NIPAL2: variants seen among roughly 807,000 people sequenced by gnomAD.
NIPAL2 encodes NIPA like domain containing 2, also known as NIPA-like protein 2.
NIPAL2 carries 43 observed loss-of-function variants against 48.9 expected under a neutral mutation model. That is an observed-to-expected ratio of 0.88 (90% confidence interval 0.69 to 1.13). NIPAL2 has a LOEUF of 1.13. Ranked by LOEUF, NIPAL2 falls within the 50% of genes most tolerant of loss-of-function variation. The pLI, the probability that NIPAL2 is intolerant of heterozygous loss-of-function variation, is 0.00. For synonymous variants in NIPAL2, 167 were observed against 174.6 expected (o/e 0.96, Z 0.34); for missense variants, 446 against 461.4 (o/e 0.97, Z 0.31).
intron 1 of NIPAL2, among the ~76,000 whole-genome samples, chr8:98,281,865 T>C (rs553387342): frequency 6.6e-6 from 1 of 152,362 alleles, no homozygotes; most frequent in African/African-American, 2.4e-5. Context: ...CAATTTATTC[T>C]CTCACAGTTC....
chr8:98,206,583 G>A (rs1811050855), intron 6 of NIPAL2, among the ~76,000 whole-genome samples: 1 of 151,838 alleles, frequency 6.6e-6, no homozygotes, highest in Non-Finnish European at 1.5e-5. Flanking sequence ...TCAGGAGATC[G>A]AGACCATCCC....
intron 1 of NIPAL2, among the ~76,000 whole-genome samples, chr8:98,264,495 C>G (rs1814578856): frequency 6.6e-6 from 1 of 150,634 alleles, no homozygotes; most frequent in Non-Finnish European, 1.5e-5. Flanking sequence ...AATAGACAAA[C>G]AGAGAGCCAA....
intron 6 of NIPAL2, among the ~76,000 whole-genome samples, chr8:98,207,432 A>T (rs1349730951): frequency 1.3e-5 from 2 of 152,170 alleles, no homozygotes; most frequent in African/African-American, 4.8e-5. Context: ...GTTGATGAGG[A>T]TAGGTGGAAA....
intron 3 of NIPAL2, among the ~76,000 whole-genome samples, chr8:98,247,575 C>T (rs1293710171): frequency 1.3e-5 from 2 of 152,318 alleles, no homozygotes; most frequent in East Asian, 3.9e-4. Flanking sequence ...AATTCTCTGA[C>T]AGATGGTCCC....
chr8:98,284,022 T>C (rs1189336683), intron 1 of NIPAL2, among the ~76,000 whole-genome samples: 1 of 152,070 alleles, frequency 6.6e-6, no homozygotes, highest in Non-Finnish European at 1.5e-5. Context: ...CTTCACAACC[T>C]CTAAAGGGCC....
chr8:98,246,603 A>G (rs1813319538), intron 3 of NIPAL2, among the ~76,000 whole-genome samples: 1 of 152,166 alleles, frequency 6.6e-6, no homozygotes, highest in African/African-American at 2.4e-5. Flanking sequence ...TGATTGAGGT[A>G]ATGAGTTTAT....
At chr8:98,248,415 T>C (rs1813409590) in intron 3 of NIPAL2, among the ~76,000 whole-genome samples, 1 of 152,262 alleles carries the variant, frequency 6.6e-6, no homozygotes, top group Non-Finnish European at 1.5e-5. Context: ...TGTCATTATG[T>C]CAAATACTAT....
intron 1 of NIPAL2, among the ~76,000 whole-genome samples, chr8:98,262,092 AC>A (rs1171119994): frequency 4.9e-5 from 7 of 141,894 alleles, no homozygotes; most frequent in Non-Finnish European, 1.1e-4. Flanking sequence ...AGATTTTGTC[AC>A]CACCAGGCCT....
chr8:98,257,886 G>A (rs374331469), intron 1 of NIPAL2, among the ~76,000 whole-genome samples: 5 of 150,432 alleles, frequency 3.3e-5, no homozygotes, highest in Admixed American at 6.6e-5. Context: ...CAGTTGTTCC[G>A]CCTTTCTAGA....
chr8:98,270,473 G>T (rs1025708437), intron 1 of NIPAL2, among the ~76,000 whole-genome samples: 27 of 152,118 alleles, frequency 1.8e-4, no homozygotes, highest in African/African-American at 6.3e-4. Context: ...TTAGCCACTT[G>T]AATGTCTTTT....
intron 1 of NIPAL2, among the ~76,000 whole-genome samples, chr8:98,254,455 A>C (rs915541936): frequency 1.3e-5 from 2 of 152,202 alleles, no homozygotes; most frequent in African/African-American, 4.8e-5. Context: ...TATGAAAGAA[A>C]GATCATCGGA....
At chr8:98,249,514 T>C (rs1813467820) in intron 3 of NIPAL2, among the ~76,000 whole-genome samples, 2 of 151,132 alleles carry the variant, frequency 1.3e-5, no homozygotes, top group African/African-American at 2.4e-5. Context: ...ATATATGTCA[T>C]ACGTATATAC....
intron 4 of NIPAL2, among the ~76,000 whole-genome samples, chr8:98,225,857 CT>C (rs1289845805): frequency 2.6e-5 from 4 of 152,028 alleles, no homozygotes; most frequent in Non-Finnish European, 5.9e-5. Context: ...TAGATTTGTT[CT>C]TTTGAGGCTA....
chr8:98,273,573 T>C (rs533094753), intron 1 of NIPAL2, among the ~76,000 whole-genome samples: 19 of 152,244 alleles, frequency 1.2e-4, no homozygotes, highest in African/African-American at 4.6e-4. Context: ...AAAAACACTA[T>C]AGGTAGATAG....
chr8:98,221,657 C>T (rs758842229), intron 5 of NIPAL2, among the ~76,000 whole-genome samples: 5 of 152,070 alleles, frequency 3.3e-5, no homozygotes, highest in Non-Finnish European at 7.4e-5. Context: ...CAACCTGTCA[C>T]CTACATTAGG....
At chr8:98,258,943 T>TA (rs569867285) in intron 1 of NIPAL2, among the ~76,000 whole-genome samples, 417 of 151,378 alleles carry the variant, frequency 2.8e-3, no homozygotes, top group African/African-American at 9.5e-3. Flanking sequence ...GTCTGCGTAT[T>TA]AAAAAAAATG....
intron 1 of NIPAL2, among the ~76,000 whole-genome samples, chr8:98,260,384 G>C (rs1037153127): frequency 2.0e-5 from 3 of 152,228 alleles, no homozygotes; most frequent in Admixed American, 6.5e-5. Flanking sequence ...ATCTCACTAG[G>C]GAGTGCCAGA....
chr8:98,235,073 A>G (rs1812638791), intron 4 of NIPAL2, among the ~76,000 whole-genome samples: 1 of 152,252 alleles, frequency 6.6e-6, no homozygotes, highest in Non-Finnish European at 1.5e-5. Context: ...AACATTTTCA[A>G]GACATTACGC....
chr8:98,197,359 T>C (rs1378430007), intron 8 of NIPAL2, among the ~76,000 whole-genome samples: 2 of 152,250 alleles, frequency 1.3e-5, no homozygotes, highest in Non-Finnish European at 2.9e-5. Context: ...TCATCTGAGC[T>C]TGCAGTGAGT....
Sources: allele counts gnomAD v4.1 joint callset (sites outside exome capture counted in the v4.1 genomes callset), GRCh38; gene constraint gnomAD v4.1.1; transcripts MANE v1.5; gene names NCBI Gene and HGNC (gene_info 2026-07-23, HGNC 2026-07-21).